The following PCDH11X variants were observed in gnomAD, a reference collection of about 807,000 sequenced individuals.
The protein encoded by PCDH11X is protocadherin 11 X-linked, also known as protocadherin-11 X-linked.
Under a neutral mutation model 53.3 loss-of-function variants are expected in PCDH11X, and 18 were observed. The observed-to-expected ratio is 0.34, with a 90% confidence interval of 0.23 to 0.50. PCDH11X has a LOEUF of 0.50. Among genes scored for constraint, PCDH11X ranks in the 20% least tolerant of loss-of-function variants. The probability of loss-of-function intolerance (pLI) is 0.98; values close to 1 mark genes in which losing one functional copy is unlikely to be tolerated. For synonymous variants in PCDH11X, 279 were observed against 393.3 expected (o/e 0.71, Z 3.44); for missense variants, 570 against 1,032.4 (o/e 0.55, Z 6.14).
Position 92,619,049 on chromosome X carries a change from A to G in PCDH11X, c.*109A>G. The G allele has an allele frequency of 1.2e-6, 1 of 862,024 alleles. No individual in the cohort carries two copies. Among genetic ancestry groups the G allele is most frequent in the Admixed American group, 3.0e-5 (1 of 32,845 alleles). 71.0% of individuals were successfully genotyped at this position (862,024 alleles called of 1,213,427 possible). A position where few individuals can be genotyped will look rare whatever the true frequency, so the allele number is the denominator to read the frequency against. ...CAGATTTGTAAATAACTATGTAAATAGAAACAGATACCAGAATAAATCTAC... is the reference window on the plus strand; with the variant it reads ...CAGATTTGTAAATAACTATGTAAATGGAAACAGATACCAGAATAAATCTAC... On this transcript the variant is annotated 3_prime_UTR_variant, in exon 11 of 11. Transcript: ENST00000682573.
chrX:92,480,079 G>A (rs1176072315), intron 10 of PCDH11X, among the ~76,000 whole-genome samples: 4 of 110,631 alleles, frequency 3.6e-5, no homozygotes, highest in African/African-American at 1.3e-4. Context: ...TTGTCTGACT[G>A]TATTATTTTA....
intron 6 of PCDH11X, among the ~76,000 whole-genome samples, chrX:92,052,314 G>A (rs1353525747): frequency 4.9e-5 from 5 of 101,636 alleles, no homozygotes; most frequent in African/African-American, 1.8e-4. Context: ...AGCTTTACAT[G>A]TAAGTGAGTT....
At chrX:91,857,372 T>G (rs1602372303) in intron 5 of PCDH11X, among the ~76,000 whole-genome samples, 1 of 111,444 alleles carries the variant, frequency 9.0e-6, no homozygotes, top group South Asian at 3.8e-4. Context: ...AAACCATATT[T>G]TTCTGCCCCT....
At chrX:92,156,588 T>G (rs1438587615) in intron 6 of PCDH11X, among the ~76,000 whole-genome samples, 1 of 111,848 alleles carries the variant, frequency 8.9e-6, no homozygotes, top group Admixed American at 9.5e-5. Flanking sequence ...CTAAAATCAC[T>G]GTGAATGCAG....
intron 6 of PCDH11X, among the ~76,000 whole-genome samples, chrX:92,195,719 T>C (rs1355897728): frequency 2.7e-5 from 3 of 111,974 alleles, no homozygotes; most frequent in Non-Finnish European, 5.6e-5. Flanking sequence ...ATTCCATCCA[T>C]AGCTATCAAA....
chrX:91,792,858 G>A (rs1935602050), intron 1 of PCDH11X, among the ~76,000 whole-genome samples: 1 of 110,244 alleles, frequency 9.1e-6, no homozygotes, highest in Non-Finnish European at 1.9e-5. Context: ...AAAAATAATT[G>A]TGGGTTTTCC....
rs1406304011 is a variant in PCDH11X, at chrX:92,100,291, T to A, written c.3034-101084T>A. On this transcript the variant is annotated intron_variant, in intron 6 of 10. Coordinates refer to ENST00000682573, the MANE Select transcript of PCDH11X (RefSeq NM_032968.5). ...CCAAACAGGCTTTGTGTGAGCAACA[T>A]GGCTGTTTATTTCACCTGGGTGCAG... Among the ~76,000 whole-genome samples, 4 of 111,581 alleles carry A rather than the reference T, an allele frequency of 3.6e-5. No individual in the cohort carries two copies. In the South Asian group the frequency reaches 1.5e-3, roughly 42 times the overall value.
intron 4 of PCDH11X, among the ~76,000 whole-genome samples, chrX:91,821,261 G>A (rs1312141006): frequency 9.1e-6 from 1 of 109,977 alleles, no homozygotes; most frequent in Non-Finnish European, 1.9e-5. Context: ...AGTTACCTTG[G>A]GCAGTATGGC....
At chrX:92,083,829 G>A (rs1225833036) in intron 6 of PCDH11X, among the ~76,000 whole-genome samples, 2 of 111,289 alleles carry the variant, frequency 1.8e-5, no homozygotes, top group Non-Finnish European at 3.8e-5. Flanking sequence ...GGTGGCTCTC[G>A]CCTGTAATCC....
chrX:92,113,779 A>G, intron 6 of PCDH11X: 2 of 1,196,750 alleles, frequency 1.7e-6, no homozygotes, highest in Non-Finnish European at 2.2e-6. Flanking sequence ...GGGGTCCCTC[A>G]TGAACTTCTT....
chrX:92,286,454 TAA>T lies in PCDH11X; in HGVS notation c.3144+23326_3144+23327del, dbSNP rs58210957. On this transcript the variant is annotated intron_variant, in intron 8 of 10. Coordinates refer to ENST00000682573, the MANE Select transcript of PCDH11X (RefSeq NM_032968.5). ...AAGGTTTTAAATAAAATTCAAAAAG[TAA>T]AAAAAAAAAAAAAAGGAAAGGAAAA... Among the ~76,000 whole-genome samples, 303 of 82,610 alleles carry T rather than the reference TAA, an allele frequency of 3.7e-3. 2 individuals are homozygous for T. Among genetic ancestry groups the T allele is most frequent in the African/African-American group, 7.9e-3 (174 of 22,120 alleles). The allele number at this position is 82,610 out of a possible 115,157, so 71.7% of individuals were successfully genotyped here.
chrX:92,410,258 T>C (rs1289329689), intron 9 of PCDH11X, among the ~76,000 whole-genome samples: 1 of 109,888 alleles, frequency 9.1e-6, no homozygotes, highest in Non-Finnish European at 1.9e-5. Flanking sequence ...TAAGCAATTT[T>C]CTCTTCTCCT....
At chrX:92,415,234 TCTA>T (rs1297073229) in intron 9 of PCDH11X, among the ~76,000 whole-genome samples, 1 of 111,770 alleles carries the variant, frequency 8.9e-6, no homozygotes, top group Non-Finnish European at 1.9e-5. Context: ...AGGAAAGTAC[TCTA>T]CTGTCTAAGT....
At chrX:92,108,701 T>C (rs2064437899) in intron 6 of PCDH11X, among the ~76,000 whole-genome samples, 1 of 111,747 alleles carries the variant, frequency 8.9e-6, no homozygotes, top group Non-Finnish European at 1.9e-5. Flanking sequence ...ACATAACCTC[T>C]CATCCTTTGA....
intron 6 of PCDH11X, among the ~76,000 whole-genome samples, chrX:91,901,628 T>G: frequency 9.0e-6 from 1 of 111,393 alleles, no homozygotes; most frequent in Non-Finnish European, 1.9e-5. Context: ...TATGTGATTT[T>G]AATATTAGAC....
At chrX:92,195,043 C>T (rs1328264748) in intron 6 of PCDH11X, among the ~76,000 whole-genome samples, 2 of 111,265 alleles carry the variant, frequency 1.8e-5, no homozygotes, top group African/African-American at 6.5e-5. Context: ...TCACAGAAGC[C>T]CTTCTTTAAA....
At chrX:92,500,915 A>G (rs1263371883) in intron 10 of PCDH11X, among the ~76,000 whole-genome samples, 1 of 110,825 alleles carries the variant, frequency 9.0e-6, no homozygotes, top group Admixed American at 9.6e-5. Flanking sequence ...AAACACTTTT[A>G]AAAAAATCAA....
intron 9 of PCDH11X, among the ~76,000 whole-genome samples, chrX:92,427,530 C>G (rs1259671727): frequency 5.7e-5 from 3 of 52,302 alleles, no homozygotes; most frequent in Non-Finnish European, 1.0e-4. Context: ...GATTTAACAC[C>G]TCTGATCCTT....
chrX:92,367,462 G>A (rs1439783690), intron 8 of PCDH11X, among the ~76,000 whole-genome samples: 4 of 111,100 alleles, frequency 3.6e-5, no homozygotes, highest in Non-Finnish European at 7.5e-5. Flanking sequence ...TTGCCAGTCT[G>A]TGTCTTTTAA....
Sources: gnomAD v4.1 joint callset for allele counts (sites outside exome capture counted in the v4.1 genomes callset) on GRCh38, gnomAD v4.1.1 for gene constraint, MANE v1.5 for transcripts, NCBI Gene and HGNC (gene_info 2026-07-23, HGNC 2026-07-21) for gene names.